Variants in UNC13C observed in about 807,000 individuals in gnomAD.
UNC13C encodes the protein unc-13 homolog C, also known as protein unc-13 homolog C.
Under a neutral mutation model 245.4 loss-of-function variants are expected in UNC13C, and 174 were observed. The ratio of observed to expected loss-of-function variants is 0.71; its 90% CI spans 0.63 to 0.80. The LOEUF (loss-of-function observed/expected upper bound fraction) is 0.80, where lower values mean the gene tolerates loss of function less well. UNC13C is among the 30% of genes least tolerant of loss of function. UNC13C has a pLI of 0.00. For missense variants in UNC13C, 2,829 were observed against 2,602.9 expected (o/e 1.09, Z -1.89); for synonymous variants, 992 against 895.1 (o/e 1.11, Z -1.93).
At chr15:54,002,083 G>A (rs113704531) in intron 1 of UNC13C, among the ~76,000 whole-genome samples, 4,730 of 152,232 alleles carry the variant, frequency 0.031, 269 homozygotes, top group African/African-American at 0.11. Context: ...TCAGGAGATC[G>A]AGACCATCCT....
intron 28 of UNC13C, among the ~76,000 whole-genome samples, chr15:54,553,392 A>G (rs1896949166): frequency 7.7e-6 from 1 of 129,730 alleles, no homozygotes; most frequent in Non-Finnish European, 1.6e-5. Context: ...ATGTATTAGT[A>G]TATTATATTA....
At chr15:54,532,462 T>G (rs1396561991) in intron 25 of UNC13C, among the ~76,000 whole-genome samples, 2 of 152,144 alleles carry the variant, frequency 1.3e-5, no homozygotes, top group East Asian at 3.9e-4. Flanking sequence ...ATAAAGAAAC[T>G]ATGGTACATA....
At chr15:54,388,086 C>A (rs1282873089) in intron 17 of UNC13C, among the ~76,000 whole-genome samples, 1 of 151,886 alleles carries the variant, frequency 6.6e-6, no homozygotes, top group Non-Finnish European at 1.5e-5. Context: ...GATTCCCATT[C>A]CCATGAGCTG....
At chr15:54,144,736 C>A (rs546980815) in intron 4 of UNC13C, among the ~76,000 whole-genome samples, 15 of 152,172 alleles carry the variant, frequency 9.9e-5, no homozygotes, top group Admixed American at 9.8e-4. Context: ...AACATTCATA[C>A]AACATGTTTT....
Position 54,427,346 on chromosome 15 carries a change from C to T in UNC13C, c.4933+12279C>T, listed in dbSNP as rs182308158. The stretch of plus-strand genomic sequence containing the variant: ...GAGGTTTCCACTTTTGTTTCTTCCT[C>T]ATTTTCTCTTGCTTCCACCATGTAA... On this transcript the variant is annotated intron_variant, in intron 19 of 32. Coordinates refer to ENST00000260323, the MANE Select transcript of UNC13C (RefSeq NM_001080534.3). 1.6e-3 allele frequency among the ~76,000 whole-genome samples: 242 copies of T among 151,778 alleles called. 1 individual carries two copies. Among genetic ancestry groups the T allele is most frequent in the Middle Eastern group, 0.014 (4 of 294 alleles).
At chr15:53,976,463 C>T (rs1270894518), upstream of UNC13C, among the ~76,000 whole-genome samples, 1 of 53,514 alleles carries the variant, frequency 1.9e-5, no homozygotes, top group South Asian at 9.9e-4. Flanking sequence ...TTCTTTCTCT[C>T]TCTCTCTCTC....
Position 54,014,916 on chromosome 15 carries a change from C to T in UNC13C, c.2013C>T (p.Ser671=), listed in dbSNP as rs2140994061. ...GAGCTGATTTAGGCTTGGATTCATCCACCCAGGAAGGTTTTGATTATGAAA... is the reference window on the plus strand; with the variant it reads ...GAGCTGATTTAGGCTTGGATTCATCTACCCAGGAAGGTTTTGATTATGAAA... ...NQGADLGLDS[S]TQEGFDYETN... The change falls in exon 2 of 33, where the codon TCC becomes TCT. Residue 671 remains serine (S), a synonymous_variant. Coordinates refer to ENST00000260323, the MANE Select transcript of UNC13C (RefSeq NM_001080534.3). The T allele has an allele frequency of 6.2e-7, 1 of 1,613,862 alleles. No homozygotes were observed. Among genetic ancestry groups the T allele is most frequent in the Non-Finnish European group, 8.5e-7 (1 of 1,179,834 alleles).
chr15:53,847,651 C>A, the UNC13C span, among the ~76,000 whole-genome samples: 1 of 151,892 alleles, frequency 6.6e-6, no homozygotes, highest in South Asian at 2.1e-4. Flanking sequence ...GAGGTGTGAG[C>A]CACTGTGCCC....
chr15:54,111,399 AT>A (rs1295430396), intron 2 of UNC13C, among the ~76,000 whole-genome samples: 1 of 152,202 alleles, frequency 6.6e-6, no homozygotes, highest in Non-Finnish European at 1.5e-5. Context: ...GAGAGAAACT[AT>A]TTTTGTAAAT....
chr15:54,427,153 A>G (rs749322871), intron 19 of UNC13C, among the ~76,000 whole-genome samples: 2 of 151,788 alleles, frequency 1.3e-5, no homozygotes, highest in Non-Finnish European at 2.9e-5. Context: ...TGTATATGAT[A>G]TGGTTTGGCT....
rs145719556 is a variant in UNC13C at position 53,987,531 on chromosome 15, TTTGTTG to T, written c.-257+8622_-257+8627del. Reference sequence around the variant, plus strand: ...AGTTCTAAACATGAAAGACAGGCTTTTTGTTGTTGTTGTTGTTGTTGTTTAATATGC... The same window carrying T: ...AGTTCTAAACATGAAAGACAGGCTTTTTGTTGTTGTTGTTGTTTAATATGC... On this transcript the variant is annotated intron_variant, in intron 1 of 32. Coordinates refer to ENST00000260323, the MANE Select transcript of UNC13C (RefSeq NM_001080534.3). 1.2e-3 allele frequency among the ~76,000 whole-genome samples: 181 copies of T among 151,464 alleles called. 1 individual carries two copies. The highest frequency in any genetic ancestry group is 4.1e-3 in the African/African-American group (171 of 41,350).
intron 18 of UNC13C, among the ~76,000 whole-genome samples, chr15:54,397,105 CTT>C (rs2040086590): frequency 6.6e-6 from 1 of 151,440 alleles, no homozygotes; most frequent in African/African-American, 2.4e-5. Flanking sequence ...TTTTAGAAAT[CTT>C]TGCAATCTGC....
chr15:54,596,805 A>G (rs936468204), intron 30 of UNC13C, among the ~76,000 whole-genome samples: 17 of 152,056 alleles, frequency 1.1e-4, no homozygotes, highest in African/African-American at 2.4e-4. Flanking sequence ...TTCTTTTGCA[A>G]TGTGACACAG....
At chr15:54,047,039 G>T (rs1897068096) in intron 2 of UNC13C, among the ~76,000 whole-genome samples, 1 of 151,786 alleles carries the variant, frequency 6.6e-6, no homozygotes, top group African/African-American at 2.4e-5. Flanking sequence ...TCCAAAAATG[G>T]GTTCACATAA....
chr15:54,123,411 T>C (rs2030814829), intron 2 of UNC13C, among the ~76,000 whole-genome samples: 2 of 151,578 alleles, frequency 1.3e-5, no homozygotes, highest in Admixed American at 1.3e-4. Flanking sequence ...ATAAATTATT[T>C]TCATATGTAT....
At chr15:53,903,133 A>C in the UNC13C span, among the ~76,000 whole-genome samples, 1 of 152,250 alleles carries the variant, frequency 6.6e-6, no homozygotes, top group Non-Finnish European at 1.5e-5. Context: ...ATAGTCATTA[A>C]AAATTCAAAT....
intron 22 of UNC13C, among the ~76,000 whole-genome samples, chr15:54,505,494 G>A (rs1385113598): frequency 6.6e-6 from 1 of 152,132 alleles, no homozygotes; most frequent in Non-Finnish European, 1.5e-5. Flanking sequence ...TGCTTATAAT[G>A]GTGCTGATTC....
intron 30 of UNC13C, among the ~76,000 whole-genome samples, chr15:54,583,390 T>C (rs1898297992): frequency 6.6e-6 from 1 of 152,154 alleles, no homozygotes; most frequent in Non-Finnish European, 1.5e-5. Context: ...AACCTGAAAC[T>C]AAAGCTTAAA....
chr15:54,097,839 A>G (rs919415188), intron 2 of UNC13C, among the ~76,000 whole-genome samples: 3 of 152,232 alleles, frequency 2.0e-5, no homozygotes, highest in Admixed American at 6.5e-5. Flanking sequence ...TTGTTAGAAT[A>G]ACTTGCTTGT....
Sources: allele counts gnomAD v4.1 joint callset (sites outside exome capture counted in the v4.1 genomes callset), GRCh38; gene constraint gnomAD v4.1.1; transcripts MANE v1.5; gene names NCBI Gene and HGNC (gene_info 2026-07-23, HGNC 2026-07-21).